The following CWF19L2 variants were observed in gnomAD, a reference collection of about 807,000 sequenced individuals.
CWF19L2 encodes the protein CWF19 like cell cycle control factor 2.
CWF19L2 carries 98 observed loss-of-function variants against 111.7 expected under a neutral mutation model. That is an observed-to-expected ratio of 0.88 (90% CI 0.75 to 1.04). The LOEUF (loss-of-function observed/expected upper bound fraction) is 1.04, where lower values mean the gene tolerates loss of function less well. CWF19L2 is among the 50% of genes least tolerant of loss of function. The probability of loss-of-function intolerance (pLI) is 0.00; values close to 1 mark genes in which losing one functional copy is unlikely to be tolerated. For synonymous variants in CWF19L2, 351 were observed against 342.9 expected (o/e 1.02, Z -0.26); for missense variants, 1,101 against 1,051.4 (o/e 1.05, Z -0.65).
intron 8 of CWF19L2, among the ~76,000 whole-genome samples, chr11:107,426,387 T>C (rs58259794): frequency 0.026 from 3,975 of 151,968 alleles, 71 homozygotes; most frequent in African/African-American, 0.048. Flanking sequence ...AATATAAAAG[T>C]CTAAATTGGT....
At chr11:107,352,335 C>T (rs781154635) in intron 13 of CWF19L2, among the ~76,000 whole-genome samples, 2 of 151,948 alleles carry the variant, frequency 1.3e-5, no homozygotes, top group Non-Finnish European at 2.9e-5. Context: ...GTTATGTTTG[C>T]CTGCTCCCCA....
chr11:107,426,743 A>G (rs1274663231), intron 8 of CWF19L2, among the ~76,000 whole-genome samples: 3 of 151,664 alleles, frequency 2.0e-5, no homozygotes, highest in Admixed American at 6.6e-5. Context: ...TTGTAGAGCT[A>G]TTTAACTTAC....
intron 6 of CWF19L2, among the ~76,000 whole-genome samples, chr11:107,436,616 C>T (rs550704051): frequency 6.6e-6 from 1 of 152,222 alleles, no homozygotes; most frequent in South Asian, 2.1e-4. Flanking sequence ...AAAGTCTTTT[C>T]AACTCACATT....
rs201842932 is a variant in CWF19L2, at chr11:107,353,744, A to C, written c.1873-8T>G. On this transcript the variant is annotated splice_polypyrimidine_tract_variant and splice_region_variant and intron_variant, in intron 12 of 17. Transcript: ENST00000282251. Reference sequence around the variant, plus strand: ...ATCTGTTTTTCCCATAAACTGAAAAACCAAAATAACAGTAATAGAGAGTAG... The same window carrying C: ...ATCTGTTTTTCCCATAAACTGAAAACCCAAAATAACAGTAATAGAGAGTAG... The C allele has an allele frequency of 6.2e-7, 1 of 1,610,258 alleles. No individual in the cohort carries two copies. Among genetic ancestry groups the C allele is most frequent in the East Asian group, 2.2e-5 (1 of 44,850 alleles).
intron 14 of CWF19L2, among the ~76,000 whole-genome samples, chr11:107,343,009 T>C (rs1022648418): frequency 4.6e-5 from 7 of 152,160 alleles, no homozygotes; most frequent in Non-Finnish European, 1.0e-4. Flanking sequence ...GTCCAGTAGA[T>C]ACCTTGATTT....
chr11:107,435,662 T>C (rs1329186320), intron 6 of CWF19L2, among the ~76,000 whole-genome samples: 1 of 152,196 alleles, frequency 6.6e-6, no homozygotes. Flanking sequence ...TAATATGTTC[T>C]ATCTCAATAG....
In CWF19L2 at chr11:107,428,860, C is replaced by G; in HGVS notation, c.1372G>C (p.Val458Leu). 6.2e-7 allele frequency: 1 copy of G among 1,613,436 alleles called. No homozygotes were observed. The highest frequency in any genetic ancestry group is 8.5e-7 in the Non-Finnish European group (1 of 1,179,538). The change falls in exon 8 of 18, where the codon GTC (valine) becomes CTC (leucine). Residue 458 changes from valine to leucine, a missense_variant. Coordinates refer to ENST00000282251, the MANE Select transcript of CWF19L2 (RefSeq NM_152434.3). The part of the protein sequence containing the change: ...EDPREKSQDE[V>L]LRDDPPKKEH... Reference sequence around the variant, plus strand: ...TTTTTTGGAGGGTCATCTCTCAAGACTTCATCTTGTGATTTTTCTCTTGGG... The same window carrying G: ...TTTTTTGGAGGGTCATCTCTCAAGAGTTCATCTTGTGATTTTTCTCTTGGG...
At chr11:107,328,684 A>G (rs1057034055) in intron 17 of CWF19L2, among the ~76,000 whole-genome samples, 5 of 152,184 alleles carry the variant, frequency 3.3e-5, no homozygotes, top group African/African-American at 1.2e-4. Flanking sequence ...CTTTTTAAAA[A>G]TGGATATTTT....
chr11:107,411,031 A>G (rs1591189122), intron 10 of CWF19L2, among the ~76,000 whole-genome samples: 1 of 151,842 alleles, frequency 6.6e-6, no homozygotes, highest in East Asian at 1.9e-4. Flanking sequence ...TAACACAAAA[A>G]TCTCAGGCTT....
In CWF19L2 at chr11:107,429,113, A is replaced by T. The variant is rs1861423959; in HGVS notation, c.1119T>A (p.Asp373Glu). The T allele has an allele frequency of 6.2e-7, 1 of 1,613,736 alleles. No homozygotes were observed. The highest frequency in any genetic ancestry group is 1.7e-5 in the Admixed American group (1 of 59,982). The change falls in exon 8 of 18, where the codon GAT becomes GAA. Residue 373 changes from aspartate to glutamate, a missense_variant. Asp to Glu is a conservative substitution (Grantham distance 45). Transcript: ENST00000282251. ...TGCTGTGAAATGACAGTTCTTCATC[A>T]TCAGAGGGTCTCAAGAATTTAGCTC... ...NLRAKFLRPS[D>E]DEELSFHSKG...
intron 12 of CWF19L2, among the ~76,000 whole-genome samples, chr11:107,371,475 TA>T (rs1324004771): frequency 8.2e-6 from 1 of 122,320 alleles, no homozygotes; most frequent in Non-Finnish European, 1.7e-5. Context: ...ATGTATTCAA[TA>T]TTTAAAGTAC....
chr11:107,345,565 G>T lies in CWF19L2; in HGVS notation c.2202+3372C>A, dbSNP rs1394810317. 3 of 439,308 alleles carry T rather than the reference G, an allele frequency of 6.8e-6. No homozygotes were observed. The Admixed American group carries it at 8.3e-5, about 12-fold the overall frequency. The allele number at this position is 439,308 out of a possible 1,614,324, so 27.2% of individuals were successfully genotyped here. On this transcript the variant is annotated intron_variant, in intron 14 of 17. Coordinates refer to ENST00000282251, the MANE Select transcript of CWF19L2 (RefSeq NM_152434.3). ...AAAACTGAAAAAATACTAAAATAGT[G>T]TTGCAAGAATGGTTCTGTATTATAA...
Position 107,446,857 on chromosome 11 carries a change from C to T in CWF19L2, c.340-3808G>A, listed in dbSNP as rs1325359412. On this transcript the variant is annotated intron_variant, in intron 3 of 17. Coordinates refer to ENST00000282251, the MANE Select transcript of CWF19L2 (RefSeq NM_152434.3). ...AAAATTGATGCTCCCCATGCTACGACTTCAGTTCTCTTGCTAATTTTAGTT... is the reference window on the plus strand; with the variant it reads ...AAAATTGATGCTCCCCATGCTACGATTTCAGTTCTCTTGCTAATTTTAGTT... Among the ~76,000 whole-genome samples the T allele has an allele frequency of 2.0e-5, 3 of 152,202 alleles. No homozygotes were observed. In the East Asian group the frequency reaches 5.8e-4, roughly 29 times the overall value.
intron 15 of CWF19L2, 128 bp from the exon 16 acceptor site, chr11:107,335,089 G>T: frequency 1.8e-6 from 1 of 550,660 alleles, no homozygotes; most frequent in Non-Finnish European, 3.2e-6. Context: ...ATTCTGAACT[G>T]ATTAAGGCTT....
chr11:107,433,880 TTA>T (rs61304388), intron 6 of CWF19L2, 131 bp from the exon 7 acceptor site: 16,546 of 120,558 alleles, frequency 0.14, 1,035 homozygotes, highest in Admixed American at 0.18. Flanking sequence ...CTTTGGAATT[TTA>T]TATATATATA....
intron 8 of CWF19L2, among the ~76,000 whole-genome samples, chr11:107,420,001 A>G (rs1477566573): frequency 6.6e-6 from 1 of 152,108 alleles, no homozygotes; most frequent in African/African-American, 2.4e-5. Context: ...AGTTAAAGGT[A>G]TAGTACACCA....
chr11:107,398,112 A>G (rs1422242196), intron 10 of CWF19L2, among the ~76,000 whole-genome samples: 1 of 152,172 alleles, frequency 6.6e-6, no homozygotes, highest in African/African-American at 2.4e-5. Flanking sequence ...ATATGACAAA[A>G]CAAGGCTCTT....
At chr11:107,457,448 A>C (rs1488057191) in intron 1 of CWF19L2, among the ~76,000 whole-genome samples, 1 of 152,220 alleles carries the variant, frequency 6.6e-6, no homozygotes, top group Non-Finnish European at 1.5e-5. Context: ...AGAAATGTAA[A>C]GAATGGGTAA....
At chr11:107,410,154 C>T (rs1861136399) in intron 10 of CWF19L2, among the ~76,000 whole-genome samples, 1 of 152,084 alleles carries the variant, frequency 6.6e-6, no homozygotes. Flanking sequence ...GCTGTTCAAG[C>T]GTTCTATGCA....
Sources: allele counts gnomAD v4.1 joint callset (sites outside exome capture counted in the v4.1 genomes callset), GRCh38; gene constraint gnomAD v4.1.1; transcripts MANE v1.5; gene names NCBI Gene and HGNC (gene_info 2026-07-23, HGNC 2026-07-21).